PTPRD: variants seen among roughly 807,000 people sequenced by gnomAD.
PTPRD encodes the protein receptor-type tyrosine-protein phosphatase delta.
In PTPRD, 34 loss-of-function variants were observed where a neutral mutation model predicts 214.5. The observed-to-expected ratio is 0.16, with a 90% CI of 0.12 to 0.21. The LOEUF (loss-of-function observed/expected upper bound fraction) is 0.21, where lower values mean the gene tolerates loss of function less well. PTPRD is among the 10% of genes least tolerant of loss of function. The probability of loss-of-function intolerance (pLI) is 1.00; values close to 1 mark genes in which losing one functional copy is unlikely to be tolerated. For missense variants in PTPRD, 2,545 were observed against 2,398.7 expected, an observed-to-expected ratio of 1.06 and a Z score of -1.27; for synonymous variants, 1,128 against 845.7, an observed-to-expected ratio of 1.33 and a Z score of -5.79.
chr9:9,930,158 G>A (rs1357914187), intron 5 of PTPRD, among the ~76,000 whole-genome samples: 1 of 152,144 alleles, frequency 6.6e-6, no homozygotes. Context: ...GCTCAAGGGA[G>A]GAAGGAAAAA....
chr9:8,828,963 C>T (rs1038803575), intron 11 of PTPRD, among the ~76,000 whole-genome samples: 1 of 152,128 alleles, frequency 6.6e-6, no homozygotes, highest in Non-Finnish European at 1.5e-5. Flanking sequence ...GAAAAAGAAA[C>T]ACATATTCTT....
chr9:8,322,482 C>A lies in PTPRD; in HGVS notation c.5535-2516G>T, dbSNP rs117520554. 3.4e-4 allele frequency among the ~76,000 whole-genome samples: 52 copies of A among 152,288 alleles called. 1 individual carries two copies. The East Asian group carries it at 7.7e-3, about 23-fold the overall frequency. ...TAAAGGCCTGCATAGAAGATCAAAT[C>A]ATTTACAACATTCCCTTAAATCAAA... On this transcript the variant is annotated intron_variant, in intron 44 of 45. Transcript: ENST00000381196.
chr9:8,701,244 A>G (rs1292168184), intron 12 of PTPRD: 1 of 152,232 alleles, frequency 6.6e-6, no homozygotes, highest in African/African-American at 2.4e-5. Context: ...CTCTGGGGAG[A>G]AACAAAGTAT....
At chr9:10,369,591 C>G (rs11998993) in intron 2 of PTPRD, among the ~76,000 whole-genome samples, 1 of 152,022 alleles carries the variant, frequency 6.6e-6, no homozygotes, top group South Asian at 2.1e-4. Context: ...AAGAAATACC[C>G]TAAAAGGAAA....
At chr9:9,539,819 A>C (rs529314356) in intron 8 of PTPRD, among the ~76,000 whole-genome samples, 24 of 151,918 alleles carry the variant, frequency 1.6e-4, no homozygotes, top group Non-Finnish European at 3.2e-4. Flanking sequence ...AACTCTAAGC[A>C]CATAAAGGTG....
At chr9:10,500,226 T>C (rs994941573) in intron 2 of PTPRD, among the ~76,000 whole-genome samples, 3 of 151,892 alleles carry the variant, frequency 2.0e-5, no homozygotes, top group Non-Finnish European at 4.4e-5. Flanking sequence ...ACTAACTTTC[T>C]GTAAGAAAAT....
chr9:8,597,421 A>G (rs753867845), intron 14 of PTPRD, among the ~76,000 whole-genome samples: 1 of 152,110 alleles, frequency 6.6e-6, no homozygotes, highest in Non-Finnish European at 1.5e-5. Context: ...AAAATTATTC[A>G]TATACCTGTT....
At chr9:8,394,471 G>A (rs1486471107) in intron 36 of PTPRD, among the ~76,000 whole-genome samples, 1 of 152,126 alleles carries the variant, frequency 6.6e-6, no homozygotes, top group African/African-American at 2.4e-5. Context: ...GCAAGCACTT[G>A]CTAAGAATTT....
chr9:9,834,569 A>C (rs1294534433), intron 5 of PTPRD, among the ~76,000 whole-genome samples: 1 of 152,080 alleles, frequency 6.6e-6, no homozygotes, highest in Non-Finnish European at 1.5e-5. Flanking sequence ...AGCCACCAGC[A>C]GGATTATTTT....
intron 5 of PTPRD, among the ~76,000 whole-genome samples, chr9:9,920,243 G>T (rs376763830): frequency 6.6e-5 from 10 of 152,180 alleles, no homozygotes; most frequent in African/African-American, 1.9e-4. Flanking sequence ...TCAGCTTTTT[G>T]TGGTCTGGAT....
intron 2 of PTPRD, among the ~76,000 whole-genome samples, chr9:10,422,860 G>C (rs572328519): frequency 1.1e-3 from 166 of 152,108 alleles, no homozygotes; most frequent in Non-Finnish European, 1.1e-3. Flanking sequence ...GTTGGTGGGA[G>C]TGTAAACAAG....
At chr9:9,321,252 A>T (rs976283102) in intron 9 of PTPRD, among the ~76,000 whole-genome samples, 1 of 152,152 alleles carries the variant, frequency 6.6e-6, no homozygotes, top group African/African-American at 2.4e-5. Context: ...CAAAGCTCAG[A>T]ATTCATTAAA....
At chr9:10,506,109 T>C (rs1036417169) in intron 2 of PTPRD, among the ~76,000 whole-genome samples, 1 of 152,154 alleles carries the variant, frequency 6.6e-6, no homozygotes, top group African/African-American at 2.4e-5. Flanking sequence ...GTTTTTCTAA[T>C]ACATATTTCA....
intron 11 of PTPRD, among the ~76,000 whole-genome samples, chr9:8,751,146 T>C (rs1393742414): frequency 1.3e-5 from 2 of 152,190 alleles, no homozygotes; most frequent in African/African-American, 2.4e-5. Context: ...CAGCTGCCCT[T>C]CTCTGTTCCT....
intron 11 of PTPRD, among the ~76,000 whole-genome samples, chr9:8,739,841 A>C (rs1326859118): frequency 6.6e-6 from 1 of 152,152 alleles, no homozygotes. Flanking sequence ...ATAGTGAATA[A>C]GTCTCATGAG....
intron 7 of PTPRD, among the ~76,000 whole-genome samples, chr9:9,706,966 G>C (rs756510502): frequency 6.6e-6 from 1 of 152,024 alleles, no homozygotes; most frequent in Non-Finnish European, 1.5e-5. Flanking sequence ...AAAATAATTT[G>C]TTATCAGCAA....
intron 6 of PTPRD, among the ~76,000 whole-genome samples, chr9:9,750,188 G>C (rs574399919): frequency 9.2e-4 from 140 of 152,118 alleles, no homozygotes; most frequent in African/African-American, 3.1e-3. Flanking sequence ...GCAATCAAAG[G>C]TGATGATTAG....
At chr9:10,158,919 C>T (rs1381181936) in intron 3 of PTPRD, among the ~76,000 whole-genome samples, 1 of 152,096 alleles carries the variant, frequency 6.6e-6, no homozygotes, top group Non-Finnish European at 1.5e-5. Context: ...AACTGCCATC[C>T]TCAGTCTTGG....
chr9:10,056,781 A>G (rs939034818), intron 3 of PTPRD, among the ~76,000 whole-genome samples: 5 of 152,146 alleles, frequency 3.3e-5, no homozygotes, highest in Non-Finnish European at 5.9e-5. Flanking sequence ...GGGTTATATC[A>G]TGGGAATAAA....
Sources: gnomAD v4.1 joint callset for allele counts (sites outside exome capture counted in the v4.1 genomes callset) on GRCh38, gnomAD v4.1.1 for gene constraint, MANE v1.5 for transcripts, NCBI Gene and HGNC (gene_info 2026-07-23, HGNC 2026-07-21) for gene names.